The following FDFT1 variants were observed in gnomAD, a reference collection of about 807,000 sequenced individuals.
The protein encoded by FDFT1 is farnesyl-diphosphate farnesyltransferase 1.
FDFT1 carries 68 observed loss-of-function variants against 46.8 expected under a neutral mutation model. The ratio of observed to expected loss-of-function variants is 1.45; its 90% CI spans 1.19 to 1.78. The LOEUF is 1.78. FDFT1 is among the 40% of genes most tolerant of loss of function. FDFT1 has a pLI of 0.00. For missense variants in FDFT1, 928 were observed against 524.4 expected (o/e 1.77, Z -7.52); for synonymous variants, 351 against 185.1 (o/e 1.90, Z -7.28).
At chr8:11,822,920 G>A (rs1391763609) in intron 4 of FDFT1, among the ~76,000 whole-genome samples, 1 of 152,192 alleles carries the variant, frequency 6.6e-6, no homozygotes, top group East Asian at 1.9e-4. Flanking sequence ...CTTAATTTTA[G>A]GTTGTTGAAT....
upstream of FDFT1, among the ~76,000 whole-genome samples, chr8:11,798,752 A>G (rs910646850): frequency 2.6e-5 from 4 of 152,262 alleles, no homozygotes; most frequent in African/African-American, 9.6e-5. Flanking sequence ...CCCAATAAAT[A>G]TTCATTGAGC....
chr8:11,828,735 G>A (rs899296729), intron 5 of FDFT1, among the ~76,000 whole-genome samples: 1 of 152,244 alleles, frequency 6.6e-6, no homozygotes. Flanking sequence ...TAAAGGTTCT[G>A]GACATTTCGT....
intron 5 of FDFT1, among the ~76,000 whole-genome samples, chr8:11,828,095 G>T (rs533310751): frequency 6.6e-6 from 1 of 151,826 alleles, no homozygotes; most frequent in Non-Finnish European, 1.5e-5. Context: ...CCAGCTACTT[G>T]GGAGGCTGAT....
intron 3 of FDFT1, among the ~76,000 whole-genome samples, chr8:11,813,833 T>A (rs1469132023): frequency 2.0e-5 from 3 of 152,206 alleles, no homozygotes; most frequent in Non-Finnish European, 4.4e-5. Context: ...TCAATTCACA[T>A]GTCACGGCTT....
chr8:11,813,807 A>G (rs1210148775), intron 3 of FDFT1, among the ~76,000 whole-genome samples: 1 of 152,200 alleles, frequency 6.6e-6, no homozygotes, highest in East Asian at 1.9e-4. Context: ...CTGGAAGCGG[A>G]AAAAGCCCTC....
chr8:11,819,731 A>G (rs1157511189), intron 3 of FDFT1, among the ~76,000 whole-genome samples: 1 of 152,066 alleles, frequency 6.6e-6, no homozygotes, highest in Admixed American at 6.5e-5. Context: ...TGGTTATTCT[A>G]GTTAGCCATT....
chr8:11,821,968 G>A, intron 4 of FDFT1, 90 bp downstream of exon 4: 2 of 1,476,096 alleles, frequency 1.4e-6, no homozygotes, highest in Non-Finnish European at 1.9e-6. Flanking sequence ...AAGTTGTCCA[G>A]TATTTTCAGC....
chr8:11,799,304 C>T (rs541309243), upstream of FDFT1, among the ~76,000 whole-genome samples: 29 of 152,296 alleles, frequency 1.9e-4, no homozygotes, highest in Admixed American at 1.2e-3. Flanking sequence ...GCTGGTGGAA[C>T]AGGGGTTCAA....
intron 3 of FDFT1, among the ~76,000 whole-genome samples, chr8:11,813,465 A>G (rs563429241): frequency 1.3e-4 from 20 of 152,352 alleles, no homozygotes; most frequent in East Asian, 9.6e-4. Context: ...ATGTACTGTT[A>G]TCTACATTTT....
intron 1 of FDFT1, among the ~76,000 whole-genome samples, chr8:11,804,908 C>CTTT (rs34874686): frequency 7.2e-5 from 8 of 111,440 alleles, no homozygotes; most frequent in South Asian, 3.2e-4. Context: ...TGCACCCGGC[C>CTTT]TTTTTTTTTT....
At chr8:11,825,915 T>A (rs777449958) in intron 4 of FDFT1, 109 bp from the exon 5 acceptor site, 33 of 584,116 alleles carry the variant, frequency 5.6e-5, no homozygotes, top group Non-Finnish European at 8.1e-5. Context: ...TCAAAATGCA[T>A]TCTTACCCAT....
At chr8:11,824,836 C>T (rs552873940) in intron 4 of FDFT1, among the ~76,000 whole-genome samples, 20 of 152,236 alleles carry the variant, frequency 1.3e-4, no homozygotes, top group Middle Eastern at 3.4e-3. Context: ...CCTGGGTTCA[C>T]GCCATTCTCC....
At chr8:11,825,963 T>C in intron 4 of FDFT1, 61 bp from the exon 5 acceptor site, 1 of 1,221,070 alleles carries the variant, frequency 8.2e-7, no homozygotes, top group Non-Finnish European at 1.1e-6. Flanking sequence ...TAATGATCTC[T>C]AGTGTGTCCA....
intron 3 of FDFT1, among the ~76,000 whole-genome samples, chr8:11,818,880 A>G (rs138211393): frequency 0.013 from 2,041 of 152,230 alleles, 45 homozygotes; most frequent in African/African-American, 0.047. Context: ...TTATGTTTGA[A>G]TTTGATCTGT....
intron 3 of FDFT1, among the ~76,000 whole-genome samples, chr8:11,820,036 G>C (rs1050090210): frequency 2.0e-5 from 3 of 152,090 alleles, no homozygotes; most frequent in Non-Finnish European, 2.9e-5. Flanking sequence ...TTTGGTGTGG[G>C]TGTCCTTTTT....
intron 1 of FDFT1, 62 bp downstream of exon 1, chr8:11,802,993 C>G: frequency 4.5e-6 from 7 of 1,542,912 alleles, no homozygotes; most frequent in Middle Eastern, 2.1e-4. Flanking sequence ...GGCCTCAGGG[C>G]CTGAGCGGCC....
intron 3 of FDFT1, among the ~76,000 whole-genome samples, chr8:11,819,196 A>G (rs1055884475): frequency 6.6e-6 from 1 of 152,196 alleles, no homozygotes; most frequent in South Asian, 2.1e-4. Flanking sequence ...TCTGGCTAGT[A>G]GGGTTTCTGC....
intron 3 of FDFT1, among the ~76,000 whole-genome samples, chr8:11,814,115 G>A (rs1808112956): frequency 6.6e-6 from 1 of 152,144 alleles, no homozygotes; most frequent in Admixed American, 6.6e-5. Flanking sequence ...AATAGAACTG[G>A]TCTAACCAAG....
At position 11,838,392 on chromosome 8, in the gene FDFT1, A is replaced by T; in HGVS notation, c.1037A>T (p.Tyr346Phe). 3 of 1,613,050 alleles carry T rather than the reference A, an allele frequency of 1.9e-6. No homozygotes were observed. The highest frequency in any genetic ancestry group is 1.3e-5 in the African/African-American group (1 of 75,020). The stretch of plus-strand genomic sequence containing the variant: ...TTTTTCCTGTGTCTTTAACAGATTT[A>T]TCATAGAATCCCCGACTCAGACCCA... ...AIIYQYMEEI[Y>F]HRIPDSDPSS... The change falls in exon 8 of 8, where the codon TAT becomes TTT. Residue 346 changes from tyrosine to phenylalanine, a missense_variant. Tyr to Phe is a conservative substitution (Grantham distance 22). Transcript: ENST00000220584.
Sources: allele counts gnomAD v4.1 joint callset (sites outside exome capture counted in the v4.1 genomes callset), GRCh38; gene constraint gnomAD v4.1.1; transcripts MANE v1.5; gene names NCBI Gene and HGNC (gene_info 2026-07-23, HGNC 2026-07-21).